The following LAMA2 variants were observed in gnomAD, a reference collection of about 807,000 sequenced individuals.
The protein encoded by LAMA2 is laminin subunit alpha 2, also known as laminin subunit alpha-2.
In LAMA2, 269 loss-of-function variants were observed where a neutral mutation model predicts 364.8. The ratio of observed to expected loss-of-function variants is 0.74; its 90% CI spans 0.67 to 0.82. LAMA2 has a LOEUF of 0.82. LAMA2 is among the 40% of genes least tolerant of loss of function. The pLI, the probability that LAMA2 is intolerant of heterozygous loss-of-function variation, is 0.00. For synonymous variants in LAMA2, 1,379 were observed against 1,370.6 expected, an observed-to-expected ratio of 1.01 and a Z score of -0.14; for missense variants, 3,807 against 3,873.2, an observed-to-expected ratio of 0.98 and a Z score of 0.45.
In LAMA2 at chr6:129,437,969, C is replaced by A. The variant is rs536224201; in HGVS notation, c.5969-677C>A. 3.3e-5 allele frequency among the ~76,000 whole-genome samples: 5 copies of A among 151,626 alleles called. No homozygotes were observed. The East Asian group carries it at 9.7e-4, about 29-fold the overall frequency. ...AAACTAGTGGAAAGCAGCTAGAAAA[C>A]TTATATATGTAATATTAAATTATCT... On this transcript the variant is annotated intron_variant, in intron 41 of 64. Transcript: ENST00000421865.
chr6:129,034,793 A>G (rs1786500706), intron 1 of LAMA2, among the ~76,000 whole-genome samples: 1 of 152,146 alleles, frequency 6.6e-6, no homozygotes, highest in Non-Finnish European at 1.5e-5. Flanking sequence ...GTTGCTGCAA[A>G]GGACATGATT....
chr6:129,296,762 A>G (rs1173566152), intron 20 of LAMA2, among the ~76,000 whole-genome samples: 1 of 152,120 alleles, frequency 6.6e-6, no homozygotes. Context: ...CCAGATTAAA[A>G]TATCATAATA....
Position 129,058,344 on chromosome 6 carries a change from G to A in LAMA2, c.284-1440G>A, listed in dbSNP as rs1258715578. Among the ~76,000 whole-genome samples the A allele has an allele frequency of 2.0e-5, 3 of 152,200 alleles. No individual in the cohort carries two copies. In the East Asian group the frequency reaches 5.8e-4, roughly 29 times the overall value. On this transcript the variant is annotated intron_variant, in intron 2 of 64. Transcript: ENST00000421865. The stretch of plus-strand genomic sequence containing the variant: ...TAAAATGGGAGAGATGAGAAACTGT[G>A]AGCTTTGAGGATTGTAAGAAGGAAG...
chr6:128,961,882 A>G (rs1781543992), intron 1 of LAMA2, among the ~76,000 whole-genome samples: 1 of 151,604 alleles, frequency 6.6e-6, no homozygotes, highest in Non-Finnish European at 1.5e-5. Context: ...TGGCAGGGGG[A>G]TCTGGATACC....
chr6:129,029,545 A>G (rs2114730533), intron 1 of LAMA2, among the ~76,000 whole-genome samples: 1 of 152,084 alleles, frequency 6.6e-6, no homozygotes, highest in Non-Finnish European at 1.5e-5. Flanking sequence ...AGAAATATTT[A>G]CAATGGTATT....
rs561143448 is a variant in LAMA2 at position 129,353,431 on chromosome 6, T to C, written c.4717+74T>C. ...CTGTCTCATTTCCAATGAGAAAGAG[T>C]GACTCTCCCCGCCCGCCTTTTTTTT... On this transcript the variant is annotated intron_variant, in intron 32 of 64. Transcript: ENST00000421865. 1.1e-5 allele frequency: 14 copies of C among 1,277,982 alleles called. No individual in the cohort carries two copies. The African/African-American group carries it at 1.6e-4, about 15-fold the overall frequency. 79.2% of individuals were successfully genotyped at this position (1,277,982 alleles called of 1,614,324 possible).
chr6:129,139,023 A>T (rs1273279851), intron 4 of LAMA2, among the ~76,000 whole-genome samples: 1 of 152,122 alleles, frequency 6.6e-6, no homozygotes, highest in Non-Finnish European at 1.5e-5. Context: ...TAATAGGTCA[A>T]ATATGGTGAG....
At chr6:129,464,529 C>A in intron 50 of LAMA2, 77 bp downstream of exon 50, 1 of 1,201,356 alleles carries the variant, frequency 8.3e-7, no homozygotes, top group South Asian at 1.2e-5. Context: ...GTAAAATCAT[C>A]AGTTATTGGT....
chr6:129,487,550 G>A (rs982782065), intron 56 of LAMA2, among the ~76,000 whole-genome samples: 2 of 152,150 alleles, frequency 1.3e-5, no homozygotes, highest in African/African-American at 4.8e-5. Context: ...TAAATGCAAC[G>A]AGTATGAATA....
intron 1 of LAMA2, among the ~76,000 whole-genome samples, chr6:129,011,147 T>C (rs905575659): frequency 1.1e-4 from 16 of 152,258 alleles, no homozygotes; most frequent in Middle Eastern, 6.8e-3. Context: ...CATTTATCCA[T>C]GTGGAGAATA....
chr6:129,371,408 C>T (rs929045057), intron 34 of LAMA2, among the ~76,000 whole-genome samples: 2 of 151,966 alleles, frequency 1.3e-5, no homozygotes, highest in African/African-American at 4.8e-5. Flanking sequence ...ATTTCATCTG[C>T]TTAGGGGTAA....
intron 1 of LAMA2, among the ~76,000 whole-genome samples, chr6:128,886,684 A>C (rs1776166084): frequency 6.6e-6 from 1 of 152,214 alleles, no homozygotes; most frequent in South Asian, 2.1e-4. Flanking sequence ...GTTATGTTAA[A>C]GAGGGACTAT....
chr6:129,511,671 AC>A (rs995581905), intron 62 of LAMA2, among the ~76,000 whole-genome samples: 2 of 152,144 alleles, frequency 1.3e-5, no homozygotes, highest in Non-Finnish European at 2.9e-5. Context: ...ACAGATCTTA[AC>A]ATATCACTTT....
intron 28 of LAMA2, among the ~76,000 whole-genome samples, chr6:129,322,848 C>G (rs1183368107): frequency 6.6e-6 from 1 of 152,110 alleles, no homozygotes; most frequent in Non-Finnish European, 1.5e-5. Flanking sequence ...ATAGTACATT[C>G]AAATACATGC....
intron 54 of LAMA2, among the ~76,000 whole-genome samples, chr6:129,480,093 C>T (rs185749456): frequency 7.2e-5 from 11 of 152,056 alleles, no homozygotes; most frequent in Non-Finnish European, 1.6e-4. Context: ...TATTTTGCAA[C>T]TAAAATATGA....
At chr6:129,509,960 C>G (rs1786437177) in intron 62 of LAMA2, among the ~76,000 whole-genome samples, 1 of 152,050 alleles carries the variant, frequency 6.6e-6, no homozygotes, top group Non-Finnish European at 1.5e-5. Context: ...AATATTGATT[C>G]TTCCAATCCA....
At chr6:129,438,813 G>A (rs1317762460) in intron 42 of LAMA2, 51 bp downstream of exon 42, 1 of 930,172 alleles carries the variant, frequency 1.1e-6, no homozygotes, top group East Asian at 2.4e-5. Context: ...AAGTTTTGAA[G>A]ACTGTTGTTA....
At chr6:129,268,029 G>A (rs779124119) in intron 16 of LAMA2, among the ~76,000 whole-genome samples, 4 of 152,018 alleles carry the variant, frequency 2.6e-5, no homozygotes, top group South Asian at 4.1e-4. Context: ...AATTTAAGGC[G>A]GATTCTGTTA....
At chr6:128,903,726 T>C (rs1777232526) in intron 1 of LAMA2, among the ~76,000 whole-genome samples, 1 of 152,064 alleles carries the variant, frequency 6.6e-6, no homozygotes, top group African/African-American at 2.4e-5. Context: ...AACATCTTTC[T>C]CTTTTAAAGA....
Sources: allele counts gnomAD v4.1 joint callset (sites outside exome capture counted in the v4.1 genomes callset), GRCh38; gene constraint gnomAD v4.1.1; transcripts MANE v1.5; gene names NCBI Gene and HGNC (gene_info 2026-07-23, HGNC 2026-07-21).